Variants in BCAR3 observed in about 807,000 individuals in gnomAD.
BCAR3 encodes the protein BCAR3 adaptor protein, NSP family member, also known as breast cancer anti-estrogen resistance protein 3.
Under a neutral mutation model 80.1 loss-of-function variants are expected in BCAR3, and 37 were observed. The observed-to-expected ratio is 0.46, with a 90% CI of 0.36 to 0.61. The LOEUF (loss-of-function observed/expected upper bound fraction) is 0.61. BCAR3 is among the 20% of genes least tolerant of loss of function. The probability of loss-of-function intolerance (pLI) is 0.00; values close to 1 mark genes in which losing one functional copy is unlikely to be tolerated. For synonymous variants in BCAR3, 389 were observed against 418.9 expected (o/e 0.93, Z 0.87); for missense variants, 978 against 1,068.2 (o/e 0.92, Z 1.18).
chr1:93,629,308 C>G (rs757042006), intron 3 of BCAR3, among the ~76,000 whole-genome samples: 1 of 152,066 alleles, frequency 6.6e-6, no homozygotes, highest in African/African-American at 2.4e-5. Flanking sequence ...CCTGCCAAGC[C>G]GAGATGTTTT....
intron 2 of BCAR3, among the ~76,000 whole-genome samples, chr1:93,774,685 G>A (rs1175178981): frequency 6.6e-6 from 1 of 152,144 alleles, no homozygotes; most frequent in Non-Finnish European, 1.5e-5. Flanking sequence ...TCAGGAGATC[G>A]TATGGCAAGA....
intron 3 of BCAR3, among the ~76,000 whole-genome samples, chr1:93,696,222 A>G (rs1280680308): frequency 1.3e-5 from 2 of 152,086 alleles, no homozygotes; most frequent in African/African-American, 4.8e-5. Context: ...TAGTTTTCAC[A>G]TCCAAATGGT....
At chr1:93,847,905 G>A, upstream of BCAR3, 1 of 242,512 alleles carries the variant, frequency 4.1e-6, no homozygotes, top group Non-Finnish European at 8.1e-6. Flanking sequence ...GAGCGGCGGC[G>A]GCGGCGGCGG....
intron 2 of BCAR3, among the ~76,000 whole-genome samples, chr1:93,706,852 A>C (rs1012622452): frequency 6.6e-6 from 1 of 152,244 alleles, no homozygotes; most frequent in African/African-American, 2.4e-5. Flanking sequence ...TTCATGATCT[A>C]TTACTAAAGT....
intron 5 of BCAR3, chr1:93,585,088 A>G (rs2101836507): frequency 1.0e-6 from 1 of 985,514 alleles, no homozygotes; most frequent in Non-Finnish European, 1.2e-6. Context: ...AAAAGGAAAT[A>G]TCTCCCGAGA....
chr1:93,820,377 C>T (rs12117504), intron 2 of BCAR3, among the ~76,000 whole-genome samples: 21,727 of 152,200 alleles, frequency 0.14, 2,536 homozygotes, highest in African/African-American at 0.31. Flanking sequence ...CTGACCCCCA[C>T]TTCAGATGCC....
At chr1:93,846,813 G>T in intron 1 of BCAR3, 1 of 470,484 alleles carries the variant, frequency 2.1e-6, no homozygotes, top group Non-Finnish European at 4.4e-6. Flanking sequence ...ACGAGCTCTC[G>T]GAGGATGCTG....
intron 2 of BCAR3, among the ~76,000 whole-genome samples, chr1:93,817,212 G>A (rs1396002297): frequency 6.6e-6 from 1 of 152,214 alleles, no homozygotes; most frequent in Admixed American, 6.5e-5. Flanking sequence ...ATGTGAGCAG[G>A]CACTTTTAAG....
At chr1:93,590,475 A>C (rs959464595) in intron 4 of BCAR3, 8 of 152,266 alleles carry the variant, frequency 5.3e-5, no homozygotes, top group Non-Finnish European at 7.3e-5. Context: ...TTATGGTTAT[A>C]GTGTTCAGTT....
intron 3 of BCAR3, among the ~76,000 whole-genome samples, chr1:93,704,678 AT>A (rs1649774339): frequency 1.3e-5 from 2 of 152,172 alleles, no homozygotes; most frequent in Non-Finnish European, 2.9e-5. Context: ...GGAGTGTGGC[AT>A]GATCTATTGT....
intron 2 of BCAR3, among the ~76,000 whole-genome samples, chr1:93,745,792 C>A (rs1651337048): frequency 6.6e-6 from 1 of 152,162 alleles, no homozygotes; most frequent in African/African-American, 2.4e-5. Context: ...GTAATCCCAG[C>A]ACTTTGAGAG....
intron 3 of BCAR3, among the ~76,000 whole-genome samples, chr1:93,629,973 T>G (rs887877706): frequency 3.9e-5 from 6 of 152,170 alleles, no homozygotes; most frequent in African/African-American, 1.2e-4. Context: ...CTGGAAAAAT[T>G]TTAGAGACAT....
At chr1:93,736,882 T>G (rs527681363) in intron 2 of BCAR3, among the ~76,000 whole-genome samples, 1 of 152,250 alleles carries the variant, frequency 6.6e-6, no homozygotes, top group Non-Finnish European at 1.5e-5. Context: ...TTTTGCATTT[T>G]ATGCTATAGA....
At chr1:93,841,362 T>G (rs984122493) in intron 2 of BCAR3, among the ~76,000 whole-genome samples, 1 of 152,230 alleles carries the variant, frequency 6.6e-6, no homozygotes, top group Non-Finnish European at 1.5e-5. Flanking sequence ...CTGGCTAGTC[T>G]CAATGCTTAA....
intron 3 of BCAR3, chr1:93,594,407 G>A (rs931262300): frequency 6.6e-6 from 1 of 152,264 alleles, no homozygotes; most frequent in Non-Finnish European, 1.5e-5. Context: ...TCTGACCAAG[G>A]AGCTGAGATG....
In BCAR3 at chr1:93,651,309, T is replaced by C. The variant is rs751508418; in HGVS notation, c.318-8966A>G. 8.5e-5 allele frequency among the ~76,000 whole-genome samples: 13 copies of C among 152,144 alleles called. 1 individual carries two copies. Among genetic ancestry groups the C allele is most frequent in the Non-Finnish European group, 1.5e-4 (10 of 68,024 alleles). On this transcript the variant is annotated intron_variant, in intron 2 of 11. Transcript: ENST00000260502. Reference sequence around the variant, plus strand: ...ACTTAAGGAAGTACTTTCCAAAAACTACACCATCTGAAAATGGGATGAACT... The same window carrying C: ...ACTTAAGGAAGTACTTTCCAAAAACCACACCATCTGAAAATGGGATGAACT...
chr1:93,711,307 G>C (rs766318704), intron 2 of BCAR3, among the ~76,000 whole-genome samples: 10 of 152,198 alleles, frequency 6.6e-5, no homozygotes, highest in Non-Finnish European at 1.2e-4. Context: ...AGATATACTT[G>C]TATGGTATGG....
intron 3 of BCAR3, among the ~76,000 whole-genome samples, chr1:93,704,503 G>C (rs144186040): frequency 1.3e-5 from 2 of 152,224 alleles, no homozygotes; most frequent in African/African-American, 2.4e-5. Context: ...TACACAGCTA[G>C]TGAGGGACAG....
chr1:93,769,043 C>T (rs965775836), intron 2 of BCAR3, among the ~76,000 whole-genome samples: 3 of 152,148 alleles, frequency 2.0e-5, no homozygotes, highest in Admixed American at 1.3e-4. Flanking sequence ...TGGAAAAGGT[C>T]CTGGAGCGTC....
Sources: allele counts gnomAD v4.1 joint callset (sites outside exome capture counted in the v4.1 genomes callset), GRCh38; gene constraint gnomAD v4.1.1; transcripts MANE v1.5; gene names NCBI Gene and HGNC (gene_info 2026-07-23, HGNC 2026-07-21).